FNIP2: variants seen among roughly 807,000 people sequenced by gnomAD.
FNIP2 encodes folliculin interacting protein 2.
FNIP2 carries 32 observed loss-of-function variants against 108.7 expected under a neutral mutation model. The observed-to-expected ratio is 0.29, with a 90% CI of 0.22 to 0.40. The LOEUF is 0.40. Among genes scored for constraint, FNIP2 ranks in the 10% least tolerant of loss-of-function variants. The pLI is 1.00. For missense variants in FNIP2, 1,202 were observed against 1,381.6 expected (o/e 0.87, Z 2.06); for synonymous variants, 480 against 496.7 (o/e 0.97, Z 0.45).
intron 14 of FNIP2, among the ~76,000 whole-genome samples, chr4:158,875,173 A>G (rs995945869): frequency 2.6e-5 from 4 of 152,058 alleles, no homozygotes; most frequent in African/African-American, 7.3e-5. Flanking sequence ...GGCCTTGTCA[A>G]TCCCAGGGGA....
At chr4:158,897,499 ATT>A (rs1312028246) in intron 16 of FNIP2, among the ~76,000 whole-genome samples, 1 of 152,122 alleles carries the variant, frequency 6.6e-6, no homozygotes, top group Non-Finnish European at 1.5e-5. Flanking sequence ...CCTCTCAAGC[ATT>A]TGTTTTTTCC....
Position 158,861,427 on chromosome 4 carries a change from C to A in FNIP2, c.1234C>A (p.Gln412Lys). Residue 412 changes from glutamine to lysine, a missense_variant, in exon 11 of 17, where the codon CAG (glutamine) becomes AAG (lysine). Gln to Lys is a moderately conservative substitution (Grantham distance 53, BLOSUM62 1). Around this residue, in one of 5 missense-constraint regions of FNIP2, gnomAD observed 878 missense variants for 990.3 expected, o/e 0.89. Coordinates refer to ENST00000264433, the MANE Select transcript of FNIP2 (RefSeq NM_020840.3). The stretch of plus-strand genomic sequence containing the variant: ...GATGTCCGGCACTTTGGAAAAAAAC[C>A]AGCTCTGCCAGCGCTTTCTCAAGGA... The part of the protein sequence containing the change: ...TMMSGTLEKN[Q>K]LCQRFLKEFT... 6.2e-7 allele frequency: 1 copy of A among 1,613,978 alleles called. No individual in the cohort carries two copies. Among genetic ancestry groups the A allele is most frequent in the Non-Finnish European group, 8.5e-7 (1 of 1,179,884 alleles).
intron 14 of FNIP2, among the ~76,000 whole-genome samples, chr4:158,873,910 C>T (rs1424022417): frequency 6.6e-6 from 1 of 152,222 alleles, no homozygotes; most frequent in Non-Finnish European, 1.5e-5. Flanking sequence ...GCGTATGCGC[C>T]AGCAGCATTC....
intron 1 of FNIP2, among the ~76,000 whole-genome samples, chr4:158,778,368 C>T (rs114924915): frequency 1.7e-3 from 252 of 152,334 alleles, no homozygotes; most frequent in African/African-American, 5.6e-3. Context: ...TAGCTCTGCT[C>T]TGCAAGGAGC....
At position 158,859,590 on chromosome 4, in the gene FNIP2, T is replaced by C; in HGVS notation, c.1072T>C (p.Cys358Arg). The C allele has an allele frequency of 6.2e-7, 1 of 1,613,084 alleles. No individual in the cohort carries two copies. The highest frequency in any genetic ancestry group is 8.5e-7 in the Non-Finnish European group (1 of 1,179,386). Residue 358 changes from cysteine (C) to arginine (R), a missense_variant, in exon 10 of 17, where the codon TGT becomes CGT. Physicochemically the swap from Cys to Arg is radical, Grantham distance 180 (BLOSUM62 -3). Transcript: ENST00000264433. ...KSAIEKAMISCRKIAESSLRV... is the reference protein window; with the variant it reads ...KSAIEKAMISRRKIAESSLRV... ...CTCTTCAATAAAGGCTATGATCTCC[T>C]GTAGGAAAATAGCAGAATCAAGTCT...
chr4:158,887,502 C>T (rs1237178135), intron 14 of FNIP2, among the ~76,000 whole-genome samples: 1 of 151,910 alleles, frequency 6.6e-6, no homozygotes, highest in Non-Finnish European at 1.5e-5. Flanking sequence ...TTTGGGAGGC[C>T]GAGGTGGGTG....
In FNIP2 at chr4:158,832,089, A is replaced by G. The variant is rs1160844766; in HGVS notation, c.505A>G (p.Ser169Gly). The change falls in exon 5 of 17, where the codon AGT (serine) becomes GGT (glycine). Residue 169 changes from serine to glycine, a missense_variant. Coordinates refer to ENST00000264433, the MANE Select transcript of FNIP2 (RefSeq NM_020840.3). ...CAGTTCTCCTCCACAACTGATGATT[A>G]GTAAAGTCTTCTCTGCTAGAATGGG... ...YIRSPPQLMI[S>G]KVFSARMGSF... 6.2e-7 allele frequency: 1 copy of G among 1,613,890 alleles called. No individual in the cohort carries two copies. Among genetic ancestry groups the G allele is most frequent in the Non-Finnish European group, 8.5e-7 (1 of 1,179,810 alleles).
At chr4:158,852,119 G>T (rs1779735967) in intron 8 of FNIP2, among the ~76,000 whole-genome samples, 1 of 152,182 alleles carries the variant, frequency 6.6e-6, no homozygotes, top group Non-Finnish European at 1.5e-5. Flanking sequence ...GATCCGTGAA[G>T]GTATAAGACA....
At chr4:158,867,433 T>C (rs1780645360) in intron 12 of FNIP2, among the ~76,000 whole-genome samples, 1 of 152,026 alleles carries the variant, frequency 6.6e-6, no homozygotes, top group Non-Finnish European at 1.5e-5. Context: ...CCTAAGGTGA[T>C]TGCCTGCCTC....
intron 12 of FNIP2, among the ~76,000 whole-genome samples, chr4:158,866,600 A>C (rs1239212298): frequency 7.0e-6 from 1 of 142,482 alleles, no homozygotes; most frequent in Non-Finnish European, 1.5e-5. Flanking sequence ...TATGAGATGG[A>C]GTTTTGCTCT....
rs959021894 is a variant in FNIP2 at position 158,904,827 on chromosome 4, A to G, written c.*283A>G. On this transcript the variant is annotated 3_prime_UTR_variant, in exon 17 of 17. Transcript: ENST00000264433. ...TTTGGTAGGAGGAAACATAAGCACT[A>G]AACACTAAGCTGTTGCAACAGATTG... 24 of 380,976 alleles carry G rather than the reference A, an allele frequency of 6.3e-5. No homozygotes were observed. Among genetic ancestry groups the G allele is most frequent in the Admixed American group, 3.8e-4 (10 of 26,338 alleles). The allele number at this position is 380,976 out of a possible 1,614,324, so 23.6% of individuals were successfully genotyped here.
chr4:158,879,773 G>T (rs1241482884), intron 14 of FNIP2, among the ~76,000 whole-genome samples: 1 of 150,324 alleles, frequency 6.7e-6, no homozygotes, highest in African/African-American at 2.5e-5. Flanking sequence ...CCATCAAAAA[G>T]TGGGCAAAGG....
intron 1 of FNIP2, among the ~76,000 whole-genome samples, chr4:158,802,005 A>G (rs1285319959): frequency 2.0e-5 from 3 of 152,132 alleles, no homozygotes; most frequent in Non-Finnish European, 4.4e-5. Flanking sequence ...CCTTACCTTA[A>G]TCTACTGGCT....
At chr4:158,875,166 C>T (rs1781196891) in intron 14 of FNIP2, among the ~76,000 whole-genome samples, 1 of 151,904 alleles carries the variant, frequency 6.6e-6, no homozygotes, top group Non-Finnish European at 1.5e-5. Flanking sequence ...AGTCAATGGC[C>T]TTGTCAATCC....
intron 8 of FNIP2, among the ~76,000 whole-genome samples, chr4:158,852,434 G>A (rs1045431753): frequency 6.6e-6 from 1 of 152,178 alleles, no homozygotes; most frequent in South Asian, 2.1e-4. Context: ...TTTTTGGTTG[G>A]TGGACTTTGA....
intron 1 of FNIP2, among the ~76,000 whole-genome samples, chr4:158,817,177 A>T (rs1310818750): frequency 6.6e-6 from 1 of 152,192 alleles, no homozygotes; most frequent in Non-Finnish European, 1.5e-5. Flanking sequence ...AGCAACAACA[A>T]CATCAGAAGG....
chr4:158,774,257 A>G (rs539538529), intron 1 of FNIP2, among the ~76,000 whole-genome samples: 2 of 152,242 alleles, frequency 1.3e-5, no homozygotes, highest in Non-Finnish European at 2.9e-5. Context: ...AGTGGTTGCC[A>G]AGAGGTAGGT....
At chr4:158,881,818 C>T (rs1345234678) in intron 14 of FNIP2, among the ~76,000 whole-genome samples, 3 of 152,232 alleles carry the variant, frequency 2.0e-5, no homozygotes, top group Non-Finnish European at 4.4e-5. Context: ...CACCTCCCAG[C>T]CGCCTGCCTT....
At chr4:158,806,687 T>C (rs1038548092) in intron 1 of FNIP2, among the ~76,000 whole-genome samples, 1 of 152,208 alleles carries the variant, frequency 6.6e-6, no homozygotes, top group East Asian at 1.9e-4. Flanking sequence ...AGCCAACTTA[T>C]AAGAAGTGTG....
Sources: gnomAD v4.1 joint callset for allele counts (sites outside exome capture counted in the v4.1 genomes callset) on GRCh38, gnomAD v4.1.1 for gene constraint, gnomAD v4.1.1 regional missense constraint, MANE v1.5 for transcripts, NCBI Gene and HGNC (gene_info 2026-07-23, HGNC 2026-07-21) for gene names.